The following CTSH variants were observed in gnomAD, a reference collection of about 807,000 sequenced individuals.
CTSH encodes the protein pro-cathepsin H.
In CTSH, 52 loss-of-function variants were observed where a neutral mutation model predicts 56.3. The ratio of observed to expected loss-of-function variants is 0.92; its 90% CI spans 0.74 to 1.16. CTSH has a LOEUF of 1.16. Ranked by LOEUF, CTSH falls within the 50% of genes most tolerant of loss-of-function variation. The pLI is 0.00. For synonymous variants in CTSH, 174 were observed against 155.7 expected (o/e 1.12, Z -0.88); for missense variants, 406 against 424.5 (o/e 0.96, Z 0.38).
At position 78,931,327 on chromosome 15, in the gene CTSH, C is replaced by G; in HGVS notation, c.548+124G>C. ...GTGACCACCCCTGTACAACAGAGAC[C>G]ATTTTGCCATCGCCCAGGGCAGTGG... is the stretch of plus-strand genomic sequence containing the variant. On this transcript the variant is annotated intron_variant, in intron 7 of 11. Coordinates refer to ENST00000220166, the MANE Select transcript of CTSH (RefSeq NM_004390.5). 5.7e-6 allele frequency: 7 copies of G among 1,238,626 alleles called. No individual in the cohort carries two copies. In the Admixed American group the frequency reaches 9.1e-5, roughly 16 times the overall value. 76.7% of individuals were successfully genotyped at this position (1,238,626 alleles called of 1,614,324 possible).
rs199594744 is a variant in CTSH at position 78,923,189 on chromosome 15, C to T, written c.807-71G>A. The stretch of plus-strand genomic sequence containing the variant: ...AAGCAATGACAGTCCCATCCAACAA[C>T]GCCTCTTTGAGCGCTTTAGAGCAAT... On this transcript the variant is annotated intron_variant, in intron 10 of 11. Coordinates refer to ENST00000220166, the MANE Select transcript of CTSH (RefSeq NM_004390.5). The T allele has an allele frequency of 6.3e-4, 997 of 1,573,908 alleles. 8 individuals are homozygous for T. In the South Asian group the frequency reaches 8.3e-3, roughly 13 times the overall value.
At chr15:78,942,219 T>C (rs1332900024) in intron 1 of CTSH, among the ~76,000 whole-genome samples, 7 of 147,654 alleles carry the variant, frequency 4.7e-5, no homozygotes, top group Admixed American at 2.0e-4. Flanking sequence ...TTCCTTCTTT[T>C]TTTTTTTTTT....
At chr15:78,927,285 C>T (rs893349880) in intron 9 of CTSH, 2 of 221,850 alleles carry the variant, frequency 9.0e-6, no homozygotes, top group South Asian at 6.8e-5. Flanking sequence ...TGCCACACAC[C>T]CTTTGACTGT....
intron 1 of CTSH, among the ~76,000 whole-genome samples, chr15:78,942,625 C>T (rs2055319537): frequency 6.6e-6 from 1 of 152,162 alleles, no homozygotes. Context: ...GATTTATTAC[C>T]GTTTTGTCTT....
In CTSH at chr15:78,937,426, A is replaced by G. The variant is rs764849219; in HGVS notation, c.124-3T>C. 6.2e-7 allele frequency: 1 copy of G among 1,612,384 alleles called. No homozygotes were observed. The highest frequency in any genetic ancestry group is 1.1e-5 in the South Asian group (1 of 90,938). On this transcript the variant is annotated splice_region_variant and splice_polypyrimidine_tract_variant and intron_variant, in intron 2 of 11. Coordinates refer to ENST00000220166, the MANE Select transcript of CTSH (RefSeq NM_004390.5). ...TCCGTACTGTAGGTCTTACGGTGCT[A>G]AAACAAAACACGCCAGTAGCAAGTC...
At chr15:78,938,323 T>C (rs1278280264) in intron 2 of CTSH, among the ~76,000 whole-genome samples, 1 of 151,776 alleles carries the variant, frequency 6.6e-6, no homozygotes, top group Admixed American at 6.6e-5. Flanking sequence ...GAGCCGAGAG[T>C]GTGCCACTGC....
At chr15:78,940,876 T>C (rs2055272779) in intron 1 of CTSH, among the ~76,000 whole-genome samples, 1 of 151,796 alleles carries the variant, frequency 6.6e-6, no homozygotes, top group Non-Finnish European at 1.5e-5. Flanking sequence ...GGAGGATCGC[T>C]TGAACCTGAG....
chr15:78,928,730 CAG>C (rs1352025309), intron 8 of CTSH, among the ~76,000 whole-genome samples: 3 of 152,022 alleles, frequency 2.0e-5, no homozygotes, highest in Admixed American at 1.3e-4. Context: ...AGGCCACCCT[CAG>C]GGGTCTGGAT....
intron 1 of CTSH, among the ~76,000 whole-genome samples, chr15:78,939,714 C>T (rs1030674359): frequency 6.6e-6 from 1 of 152,132 alleles, no homozygotes; most frequent in Non-Finnish European, 1.5e-5. Context: ...ATGGCGAAAC[C>T]CTGTCTCCAC....
At chr15:78,938,139 C>T (rs566373077) in intron 2 of CTSH, among the ~76,000 whole-genome samples, 10 of 152,216 alleles carry the variant, frequency 6.6e-5, no homozygotes, top group East Asian at 1.9e-4. Context: ...GAGGCTGAGG[C>T]GGGTGGATCA....
chr15:78,933,043 C>A lies in CTSH; in HGVS notation c.406-585G>T, dbSNP rs901662359. Among the ~76,000 whole-genome samples, 6 of 152,072 alleles carry A rather than the reference C, an allele frequency of 3.9e-5. No individual in the cohort carries two copies. In the East Asian group the frequency reaches 1.2e-3, roughly 29 times the overall value. On this transcript the variant is annotated intron_variant, in intron 5 of 11. Coordinates refer to ENST00000220166, the MANE Select transcript of CTSH (RefSeq NM_004390.5). ...AGACATCCAACTAACTGCCAGACAA[C>A]CCCACCCAGACACCCCTGACACCCC...
At chr15:78,935,787 T>C in intron 3 of CTSH, 37 bp from the exon 4 acceptor site, 1 of 1,478,398 alleles carries the variant, frequency 6.8e-7, no homozygotes, top group Non-Finnish European at 9.4e-7. Flanking sequence ...ACAGAAATGG[T>C]TAGTGAATCA....
chr15:78,941,795 C>CAAA (rs34594037), intron 1 of CTSH, among the ~76,000 whole-genome samples: 3 of 121,672 alleles, frequency 2.5e-5, no homozygotes, highest in Non-Finnish European at 4.9e-5. Context: ...GACTCCGTCT[C>CAAA]AAAAAAAAAA....
At chr15:78,933,451 C>G (rs2055108451) in intron 5 of CTSH, 1 of 402,654 alleles carries the variant, frequency 2.5e-6, no homozygotes, top group Admixed American at 2.8e-5. Context: ...AGTCTTCCAG[C>G]TTCTACTTCT....
intron 8 of CTSH, 34 bp downstream of exon 8, chr15:78,929,378 G>A (rs777710855): frequency 1.8e-5 from 28 of 1,540,668 alleles, no homozygotes; most frequent in Middle Eastern, 1.7e-4. Context: ...CATGCTGTAC[G>A]CCAAGAAGAC....
In CTSH at chr15:78,922,169, G is replaced by A. The variant is rs1478278529; in HGVS notation, c.969C>T (p.Gly323=). 10 of 1,583,170 alleles carry A rather than the reference G, an allele frequency of 6.3e-6. No homozygotes were observed. The highest frequency in any genetic ancestry group is 8.6e-6 in the Non-Finnish European group (10 of 1,165,534). Reference sequence around the variant, plus strand: ...TGGGGTAGGAGGCGCAGGCAGCCAGGCCACACATGTTCTTTCCGCGCTCGA... The same window carrying A: ...TGGGGTAGGAGGCGCAGGCAGCCAGACCACACATGTTCTTTCCGCGCTCGA... ...FLIERGKNMC[G]LAACASYPIP... Residue 323 remains glycine, a synonymous_variant, in exon 12 of 12, where the codon GGC becomes GGT. Coordinates refer to ENST00000220166, the MANE Select transcript of CTSH (RefSeq NM_004390.5).
At chr15:78,936,499 G>A (rs891002971) in intron 3 of CTSH, among the ~76,000 whole-genome samples, 3 of 152,130 alleles carry the variant, frequency 2.0e-5, no homozygotes, top group Non-Finnish European at 1.5e-5. Context: ...GGAGGTCACA[G>A]GCTAGGACTG....
chr15:78,921,155 A>G lies in CTSH; in HGVS notation c.*975T>C, dbSNP rs1455715772. 6.6e-6 allele frequency: 1 copy of G among 152,220 alleles called. No homozygotes were observed. The highest frequency in any genetic ancestry group is 1.5e-5 in the Non-Finnish European group (1 of 68,030). 9.4% of individuals were successfully genotyped at this position (152,220 alleles called of 1,614,324 possible). A position where few individuals can be genotyped will look rare whatever the true frequency, so the allele number is the denominator to read the frequency against. ...TTCTCAAGCCTTTAGCTTTTCAGGAAGCCCAAATAAGATGACAGCTTTTAT... is the reference window on the plus strand; with the variant it reads ...TTCTCAAGCCTTTAGCTTTTCAGGAGGCCCAAATAAGATGACAGCTTTTAT... On this transcript the variant is annotated 3_prime_UTR_variant, in exon 12 of 12. Transcript: ENST00000220166.
At chr15:78,930,449 C>G (rs1045201597) in intron 7 of CTSH, among the ~76,000 whole-genome samples, 1 of 152,084 alleles carries the variant, frequency 6.6e-6, no homozygotes, top group Non-Finnish European at 1.5e-5. Context: ...ATGGGGTGAA[C>G]CCGGGAGGCG....
Sources: gnomAD v4.1 joint callset for allele counts (sites outside exome capture counted in the v4.1 genomes callset) on GRCh38, gnomAD v4.1.1 for gene constraint, MANE v1.5 for transcripts, NCBI Gene and HGNC (gene_info 2026-07-23, HGNC 2026-07-21) for gene names.